IGF2BP3: variants seen among roughly 807,000 people sequenced by gnomAD.
IGF2BP3 encodes the protein insulin-like growth factor 2 mRNA-binding protein 3.
IGF2BP3 carries 9 observed loss-of-function variants against 73.8 expected under a neutral mutation model. The observed-to-expected ratio is 0.12, with a 90% CI of 0.07 to 0.21. The LOEUF is 0.21. Among genes scored for constraint, IGF2BP3 ranks in the 10% least tolerant of loss-of-function variants. IGF2BP3 has a pLI of 1.00. For synonymous variants in IGF2BP3, 258 were observed against 256.7 expected (o/e 1.01, Z -0.05); for missense variants, 542 against 714.0 (o/e 0.76, Z 2.75).
chr7:23,361,357 G>A, intron 5 of IGF2BP3, 177 bp downstream of exon 5: 2 of 565,354 alleles, frequency 3.5e-6, no homozygotes, highest in South Asian at 4.5e-5. Context: ...TTTAACCAAT[G>A]TAGATTTTTA....
At chr7:23,314,884 G>A (rs955080135) in intron 12 of IGF2BP3, among the ~76,000 whole-genome samples, 6 of 151,808 alleles carry the variant, frequency 4.0e-5, no homozygotes, top group Non-Finnish European at 8.8e-5. Flanking sequence ...TGCAACCTCC[G>A]ACCCCCGGGT....
rs1470491549 is a variant in IGF2BP3, at chr7:23,345,949, G to A, written c.932C>T (p.Thr311Met). ...GCAAAGGAGCACTCACGGAGATATC[G>A]TGATTTTAGTGTCTGTGTCTTGCTC... Reference protein sequence around the residue: ...KIEQDTDTKITISPLQELTLY... With the variant: ...KIEQDTDTKIMISPLQELTLY... The change falls in exon 8 of 15, where the codon ACG becomes ATG. Residue 311 changes from threonine (T) to methionine (M), a missense_variant. Transcript: ENST00000258729. 2.1e-5 allele frequency: 34 copies of A among 1,612,194 alleles called. 1 individual carries two copies. Among genetic ancestry groups the A allele is most frequent in the Non-Finnish European group, 2.4e-5 (28 of 1,179,924 alleles).
chr7:23,456,917 C>T (rs1236656448), intron 2 of IGF2BP3, among the ~76,000 whole-genome samples: 1 of 152,044 alleles, frequency 6.6e-6, no homozygotes, highest in Non-Finnish European at 1.5e-5. Context: ...GGCGTAGTGG[C>T]ACGCGCCCAT....
chr7:23,372,601 T>G (rs1785591866), intron 3 of IGF2BP3, among the ~76,000 whole-genome samples: 1 of 152,140 alleles, frequency 6.6e-6, no homozygotes, highest in Non-Finnish European at 1.5e-5. Flanking sequence ...CCTGAGTTAC[T>G]TCACTTAGAA....
At chr7:23,369,902 C>T (rs897366716) in intron 3 of IGF2BP3, among the ~76,000 whole-genome samples, 2 of 152,070 alleles carry the variant, frequency 1.3e-5, no homozygotes, top group African/African-American at 4.8e-5. Context: ...ATTCTGCATA[C>T]CCACTGCTCA....
rs191916913 is a variant in IGF2BP3, at chr7:23,366,322, G to A, written c.286-4581C>T. ...CCAGCTAATTTTCGTATTTTTAGTA[G>A]AGACGGGGTTTCACCATGTTGCCCA... On this transcript the variant is annotated intron_variant, in intron 3 of 14. Coordinates refer to ENST00000258729, the MANE Select transcript of IGF2BP3 (RefSeq NM_006547.3). Among the ~76,000 whole-genome samples the A allele has an allele frequency of 3.9e-5, 6 of 152,058 alleles. No individual in the cohort carries two copies. In the East Asian group the frequency reaches 1.2e-3, roughly 29 times the overall value.
rs1277229476 is a variant in IGF2BP3, at chr7:23,469,881, G to T, written c.175+55C>A. Reference sequence around the variant, plus strand: ...CCCGCGGAGCCACCCGGTGGGCCTGGGCGGGCGGTGCAGGGCTGGGGCGAG... The same window carrying T: ...CCCGCGGAGCCACCCGGTGGGCCTGTGCGGGCGGTGCAGGGCTGGGGCGAG... On this transcript the variant is annotated intron_variant, in intron 1 of 14. Transcript: ENST00000258729. The surrounding 1 kb of genome is among the most constrained non-coding windows in gnomAD (Gnocchi z 6.1). 2.3e-6 allele frequency: 3 copies of T among 1,284,766 alleles called. No homozygotes were observed. Among genetic ancestry groups the T allele is most frequent in the Non-Finnish European group, 3.0e-6 (3 of 998,744 alleles). The allele number at this position is 1,284,766 out of a possible 1,614,324, so 79.6% of individuals were successfully genotyped here.
chr7:23,416,714 A>G (rs1244015819), intron 3 of IGF2BP3, among the ~76,000 whole-genome samples: 3 of 152,190 alleles, frequency 2.0e-5, no homozygotes, highest in Non-Finnish European at 4.4e-5. Context: ...GCTGTTTATG[A>G]TAAGGCTTTG....
chr7:23,313,599 C>T lies in IGF2BP3; in HGVS notation c.1450G>A (p.Glu484Lys). The T allele has an allele frequency of 6.2e-7, 1 of 1,613,978 alleles. No homozygotes were observed. ...IKEENFVSPK[E>K]EVKLEAHIRV... is the part of the protein sequence containing the mutation. Reference sequence around the variant, plus strand: ...ATATGAGCTTCAAGTTTCACCTCTTCTTTAGGACTAACAAAGTTTTCTTCT... The same window carrying T: ...ATATGAGCTTCAAGTTTCACCTCTTTTTTAGGACTAACAAAGTTTTCTTCT... Residue 484 changes from glutamate (E) to lysine (K), a missense_variant, in exon 13 of 15, where the codon GAA becomes AAA. Physicochemically the swap from Glu to Lys is moderately conservative, Grantham distance 56 (BLOSUM62 1). Coordinates refer to ENST00000258729, the MANE Select transcript of IGF2BP3 (RefSeq NM_006547.3).
intron 3 of IGF2BP3, among the ~76,000 whole-genome samples, chr7:23,384,308 GA>G (rs938961977): frequency 9.1e-4 from 139 of 152,024 alleles, no homozygotes; most frequent in African/African-American, 3.3e-3. Context: ...TCAGTGGGGG[GA>G]AAGAACAAGA....
chr7:23,417,166 T>G (rs1468559173), intron 3 of IGF2BP3, among the ~76,000 whole-genome samples: 1 of 152,204 alleles, frequency 6.6e-6, no homozygotes, highest in African/African-American at 2.4e-5. Context: ...CAGCAGCCCA[T>G]CTTATTCCTA....
chr7:23,340,198 G>A (rs1045666110), intron 10 of IGF2BP3, among the ~76,000 whole-genome samples: 1 of 152,130 alleles, frequency 6.6e-6, no homozygotes, highest in Admixed American at 6.5e-5. Context: ...AGCCACTTCA[G>A]GGGGCACGTA....
rs182990626 is a variant in IGF2BP3, at chr7:23,439,319, G to A, written c.237-20495C>T. Among the ~76,000 whole-genome samples the A allele has an allele frequency of 3.4e-4, 51 of 152,000 alleles. 2 individuals carry two copies. The highest frequency in any genetic ancestry group is 1.1e-3 in the African/African-American group (45 of 41,498). ...TGTAATCCCAGCACTTTGGGACGCC[G>A]AGGTGGGCAGATCATGAAGTCAGGA... On this transcript the variant is annotated intron_variant, in intron 2 of 14. Coordinates refer to ENST00000258729, the MANE Select transcript of IGF2BP3 (RefSeq NM_006547.3).
chr7:23,367,141 GCTA>G (rs1485391714), intron 3 of IGF2BP3, among the ~76,000 whole-genome samples: 3 of 152,146 alleles, frequency 2.0e-5, no homozygotes, highest in Non-Finnish European at 2.9e-5. Context: ...ACCACGCCTG[GCTA>G]CTTTTTGTAT....
chr7:23,415,726 G>C (rs966998318), intron 3 of IGF2BP3, among the ~76,000 whole-genome samples: 1 of 152,240 alleles, frequency 6.6e-6, no homozygotes, highest in African/African-American at 2.4e-5. Flanking sequence ...GGTGCTCAGG[G>C]CTCTTCCCTC....
At chr7:23,368,335 GAAAGAAAAAAAGA>G (rs1179226186) in intron 3 of IGF2BP3, among the ~76,000 whole-genome samples, 1 of 113,302 alleles carries the variant, frequency 8.8e-6, no homozygotes, top group Non-Finnish European at 1.8e-5. Flanking sequence ...AGAAAAGAAA[GAAAGAAAAAAAGA>G]AAGAAAGAAA....
At chr7:23,351,782 T>C (rs1267864775) in intron 5 of IGF2BP3, among the ~76,000 whole-genome samples, 196 bp from the exon 6 acceptor site, 1 of 152,078 alleles carries the variant, frequency 6.6e-6, no homozygotes, top group Admixed American at 6.5e-5. Context: ...CCACACACAT[T>C]TTCCTTTGAG....
At chr7:23,408,397 C>T (rs1029265495) in intron 3 of IGF2BP3, among the ~76,000 whole-genome samples, 6 of 152,020 alleles carry the variant, frequency 3.9e-5, no homozygotes, top group Admixed American at 2.6e-4. Context: ...ATAAGGTCAA[C>T]ACACAAAAAT....
chr7:23,367,272 C>G (rs1434396696), intron 3 of IGF2BP3, among the ~76,000 whole-genome samples: 2 of 152,128 alleles, frequency 1.3e-5, no homozygotes, highest in African/African-American at 4.8e-5. Flanking sequence ...GCCACAGTGT[C>G]CGGCCGCATT....
Sources: allele counts gnomAD v4.1 joint callset (sites outside exome capture counted in the v4.1 genomes callset), GRCh38; gene constraint gnomAD v4.1.1; non-coding constraint Gnocchi (gnomAD v3.1); transcripts MANE v1.5; gene names NCBI Gene and HGNC (gene_info 2026-07-23, HGNC 2026-07-21).